SNAP47: variants seen among roughly 807,000 people sequenced by gnomAD.
The protein encoded by SNAP47 is synaptosome associated protein 47.
A neutral mutation model predicts 31.4 loss-of-function variants in SNAP47; 20 were observed. The observed-to-expected ratio is 0.64, with a 90% CI of 0.45 to 0.93. SNAP47 has a LOEUF of 0.93. Ranked by LOEUF, SNAP47 falls within the 40% of genes least tolerant of loss-of-function variation. The pLI is 0.00. For missense variants in SNAP47, 492 were observed against 528.5 expected (o/e 0.93, Z 0.68); for synonymous variants, 194 against 213.4 (o/e 0.91, Z 0.79).
chr1:227,759,711 A>T (rs1357743984), intron 3 of SNAP47: 6 of 595,194 alleles, frequency 1.0e-5, no homozygotes, highest in South Asian at 2.1e-5. Flanking sequence ...TGTACACTTG[A>T]TAGGTGCGTG....
chr1:227,757,023 G>A (rs1367135250), intron 2 of SNAP47, among the ~76,000 whole-genome samples: 1 of 152,172 alleles, frequency 6.6e-6, no homozygotes, highest in Admixed American at 6.5e-5. Context: ...GATGAGGGAC[G>A]TCTCAGATGT....
chr1:227,747,759 A>G lies in SNAP47; in HGVS notation c.23A>G (p.His8Arg). Residue 8 changes from histidine (H) to arginine (R), a missense_variant, in exon 2 of 5, where the codon CAC becomes CGC. Transcript: ENST00000617596. MSRDVCIHTWPCTYYLEP... is the reference protein window; with the variant it reads MSRDVCIRTWPCTYYLEP... ...CAGATGAGCAGGGATGTCTGCATCC[A>G]CACCTGGCCGTGCACCTACTACCTG... 2 of 1,614,052 alleles carry G rather than the reference A, an allele frequency of 1.2e-6. No individual in the cohort carries two copies. The highest frequency in any genetic ancestry group is 1.7e-6 in the Non-Finnish European group (2 of 1,179,950).
chr1:227,769,937 T>C (rs1476987328), intron 4 of SNAP47, among the ~76,000 whole-genome samples: 2 of 152,210 alleles, frequency 1.3e-5, no homozygotes, highest in African/African-American at 4.8e-5. Context: ...CACGTCCCTC[T>C]GTCTCCAGGG....
intron 1 of SNAP47, among the ~76,000 whole-genome samples, chr1:227,729,403 C>A (rs917417371): frequency 2.6e-5 from 4 of 152,178 alleles, no homozygotes; most frequent in African/African-American, 9.7e-5. Flanking sequence ...TGCCTGGGGA[C>A]CCAAGGTGCA....
intron 2 of SNAP47, among the ~76,000 whole-genome samples, chr1:227,756,466 A>G (rs1315875587): frequency 9.2e-5 from 14 of 152,244 alleles, no homozygotes; most frequent in Non-Finnish European, 2.1e-4. Context: ...CACCTTTAAG[A>G]AAATCCCCTG....
intron 1 of SNAP47, 123 bp downstream of exon 1, chr1:227,735,622 TG>T (rs979345835): frequency 2.3e-6 from 3 of 1,310,642 alleles, no homozygotes; most frequent in South Asian, 2.2e-5. Context: ...CCCCGGGGGG[TG>T]GGGGGTATGC....
intron 3 of SNAP47, 123 bp from the exon 4 acceptor site, chr1:227,766,836 A>G: frequency 1.4e-6 from 2 of 1,384,658 alleles, no homozygotes; most frequent in Non-Finnish European, 2.0e-6. Context: ...CGAGAGAGGA[A>G]GCAGTCCTGC....
chr1:227,759,609 T>C, intron 3 of SNAP47, 124 bp downstream of exon 3: 1 of 1,298,042 alleles, frequency 7.7e-7, no homozygotes, highest in South Asian at 1.4e-5. Flanking sequence ...TCCAGCTTGC[T>C]AGAGACAGCT....
At chr1:227,764,641 C>G (rs1040802325) in intron 3 of SNAP47, among the ~76,000 whole-genome samples, 1 of 152,260 alleles carries the variant, frequency 6.6e-6, no homozygotes, top group East Asian at 1.9e-4. Context: ...CGCGGTGGCT[C>G]ACACCTGCAA....
At position 227,765,224 on chromosome 1, in the gene SNAP47, G is replaced by A. The variant is rs115901203; in HGVS notation, c.989-1735G>A. 4.7e-3 allele frequency among the ~76,000 whole-genome samples: 710 copies of A among 152,212 alleles called. 4 individuals are homozygous for A. The highest frequency in any genetic ancestry group is 0.016 in the African/African-American group (664 of 41,560). The stretch of plus-strand genomic sequence containing the variant: ...GACAGCACACTGCAGACCAGACTAC[G>A]AGAGCCTTGGGCAGGGCGGGGTGGG... On this transcript the variant is annotated intron_variant, in intron 3 of 4. Transcript: ENST00000617596.
intron 4 of SNAP47, chr1:227,776,939 G>A: frequency 1.7e-5 from 17 of 985,300 alleles, no homozygotes; most frequent in Non-Finnish European, 2.0e-5. Context: ...TTTTGTCTGT[G>A]TACACAATAA....
At chr1:227,751,162 T>G (rs1388787836) in intron 2 of SNAP47, among the ~76,000 whole-genome samples, 1 of 152,226 alleles carries the variant, frequency 6.6e-6, no homozygotes, top group Non-Finnish European at 1.5e-5. Context: ...GCTTTGATTG[T>G]GCGGTGAAGA....
intron 3 of SNAP47, among the ~76,000 whole-genome samples, chr1:227,760,464 C>T (rs750236399): frequency 1.3e-4 from 20 of 152,210 alleles, no homozygotes; most frequent in Non-Finnish European, 2.4e-4. Flanking sequence ...GGTACCTTCC[C>T]GCAGACTCCA....
At chr1:227,751,142 G>A (rs941406834) in intron 2 of SNAP47, among the ~76,000 whole-genome samples, 2 of 152,206 alleles carry the variant, frequency 1.3e-5, no homozygotes, top group African/African-American at 4.8e-5. Flanking sequence ...AGTGCTCCCT[G>A]AACACTGTGG....
chr1:227,773,570 A>G (rs942866783), intron 4 of SNAP47, among the ~76,000 whole-genome samples: 1 of 152,180 alleles, frequency 6.6e-6, no homozygotes, highest in Non-Finnish European at 1.5e-5. Flanking sequence ...ACGCTCACTC[A>G]CCACACACCC....
upstream of SNAP47, chr1:227,733,678 G>C: frequency 1.2e-6 from 2 of 1,600,252 alleles, no homozygotes; most frequent in Non-Finnish European, 1.7e-6. Flanking sequence ...CATGGAACGG[G>C]GACCTGCGGC....
chr1:227,739,977 A>ACAGCT (rs1284496862), intron 1 of SNAP47, among the ~76,000 whole-genome samples: 3 of 152,252 alleles, frequency 2.0e-5, no homozygotes, highest in South Asian at 2.1e-4. Context: ...GGGCATAGGC[A>ACAGCT]CAGCTCTGTT....
chr1:227,733,660 G>A (rs767519056), upstream of SNAP47: 2 of 1,602,130 alleles, frequency 1.2e-6, no homozygotes, highest in African/African-American at 1.3e-5. Context: ...AGGAGCGGAA[G>A]ATGTCAGCAT....
At chr1:227,768,323 G>T (rs1663569775) in intron 4 of SNAP47, 1 of 985,444 alleles carries the variant, frequency 1.0e-6, no homozygotes, top group Non-Finnish European at 1.2e-6. Flanking sequence ...CTGTGTCCAC[G>T]CAGGGCATGG....
Sources: allele counts gnomAD v4.1 joint callset (sites outside exome capture counted in the v4.1 genomes callset), GRCh38; gene constraint gnomAD v4.1.1; transcripts MANE v1.5; gene names NCBI Gene and HGNC (gene_info 2026-07-23, HGNC 2026-07-21).